SLC23A2: variants seen among roughly 807,000 people sequenced by gnomAD.
SLC23A2 encodes solute carrier family 23 member 2, also known as Na(+)/L-ascorbic acid transporter 2.
SLC23A2 carries 36 observed loss-of-function variants against 73.3 expected under a neutral mutation model. That is an observed-to-expected ratio of 0.49 (90% CI 0.38 to 0.65). The LOEUF (loss-of-function observed/expected upper bound fraction) is 0.65. Ranked by LOEUF, SLC23A2 falls within the 30% of genes least tolerant of loss-of-function variation. The pLI, the probability that SLC23A2 is intolerant of heterozygous loss-of-function variation, is 0.00. For synonymous variants in SLC23A2, 343 were observed against 327.3 expected (o/e 1.05, Z -0.52); for missense variants, 507 against 841.6 (o/e 0.60, Z 4.92).
intron 1 of SLC23A2, among the ~76,000 whole-genome samples, chr20:5,010,027 G>A (rs993453906): frequency 6.6e-6 from 1 of 151,288 alleles, no homozygotes; most frequent in Non-Finnish European, 1.5e-5. Flanking sequence ...CCCGGGAGGC[G>A]GAGCTTGCAG....
At chr20:4,922,948 C>T (rs1932545610) in intron 3 of SLC23A2, among the ~76,000 whole-genome samples, 1 of 152,034 alleles carries the variant, frequency 6.6e-6, no homozygotes, top group African/African-American at 2.4e-5. Flanking sequence ...TATTTTCATT[C>T]GTAACAAATT....
intron 4 of SLC23A2, among the ~76,000 whole-genome samples, chr20:4,908,167 GA>G (rs1186225219): frequency 3.3e-5 from 5 of 152,200 alleles, no homozygotes; most frequent in African/African-American, 1.2e-4. Context: ...AATATTTAAA[GA>G]TACAATTCCT....
At chr20:4,977,291 G>A (rs1183384277) in intron 1 of SLC23A2, among the ~76,000 whole-genome samples, 1 of 152,072 alleles carries the variant, frequency 6.6e-6, no homozygotes, top group African/African-American at 2.4e-5. Flanking sequence ...ATATTAACTG[G>A]ATCTTCCCAG....
rs1432644924 is a variant in SLC23A2, at chr20:4,983,822, G to GGC, written c.-281-12904_-281-12903insGC. Among the ~76,000 whole-genome samples the GGC allele has an allele frequency of 1.4e-4, 21 of 151,566 alleles. No homozygotes were observed. The East Asian group carries it at 3.9e-3, about 28-fold the overall frequency. On this transcript the variant is annotated intron_variant, in intron 1 of 16. Coordinates refer to ENST00000338244, the MANE Select transcript of SLC23A2 (RefSeq NM_005116.6). ...AAATACAAAATTAGCCAGGCGTGGTGGTGCATGCCTGTAATCCCTGCTATT... is the reference window on the plus strand; with the variant it reads ...AAATACAAAATTAGCCAGGCGTGGTGGCGTGCATGCCTGTAATCCCTGCTATT...
intron 4 of SLC23A2, among the ~76,000 whole-genome samples, chr20:4,905,770 T>C (rs1390335802): frequency 1.3e-5 from 2 of 152,214 alleles, no homozygotes; most frequent in Non-Finnish European, 2.9e-5. Context: ...GACCATACAG[T>C]AAATATTTCA....
intron 2 of SLC23A2, among the ~76,000 whole-genome samples, chr20:4,948,072 C>T (rs1035122621): frequency 6.6e-6 from 1 of 152,216 alleles, no homozygotes; most frequent in Non-Finnish European, 1.5e-5. Context: ...CTCAGTAGGG[C>T]ACTTGGTCAC....
chr20:4,945,195 C>T (rs1484073983), intron 2 of SLC23A2, among the ~76,000 whole-genome samples: 1 of 152,052 alleles, frequency 6.6e-6, no homozygotes, highest in African/African-American at 2.4e-5. Context: ...ATTATTTGAT[C>T]TTGTGATGAC....
intron 3 of SLC23A2, among the ~76,000 whole-genome samples, chr20:4,927,394 C>T (rs1053992842): frequency 2.0e-5 from 3 of 152,174 alleles, no homozygotes; most frequent in African/African-American, 7.2e-5. Context: ...TGGGTATACC[C>T]AACGGTGAGA....
intron 1 of SLC23A2, among the ~76,000 whole-genome samples, chr20:4,983,646 T>TAAA (rs35983102): frequency 2.3e-5 from 2 of 86,188 alleles, no homozygotes; most frequent in African/African-American, 9.3e-5. Flanking sequence ...ACTCCGTCTT[T>TAAA]AAAAAAAAAA....
chr20:4,992,298 ATTTTT>A (rs1464343528), intron 1 of SLC23A2, among the ~76,000 whole-genome samples: 1 of 152,274 alleles, frequency 6.6e-6, no homozygotes, highest in African/African-American at 2.4e-5. Context: ...TTAAGGTGTT[ATTTTT>A]TAAGTTAATA....
chr20:5,000,702 A>AG (rs1379158718), intron 1 of SLC23A2, among the ~76,000 whole-genome samples: 4 of 151,932 alleles, frequency 2.6e-5, no homozygotes, highest in Non-Finnish European at 4.4e-5. Context: ...CACCCATCCA[A>AG]GGGGGGGCAT....
At chr20:4,913,274 C>G (rs538526800) in intron 3 of SLC23A2, among the ~76,000 whole-genome samples, 1 of 152,088 alleles carries the variant, frequency 6.6e-6, no homozygotes, top group Non-Finnish European at 1.5e-5. Flanking sequence ...GTGAGAGTAC[C>G]CTGAGCTGCC....
chr20:4,878,665 T>G (rs535953012), intron 9 of SLC23A2, among the ~76,000 whole-genome samples: 75 of 152,362 alleles, frequency 4.9e-4, no homozygotes, highest in Admixed American at 3.1e-3. Flanking sequence ...TTAATTCAAC[T>G]GAAATACAAT....
intron 2 of SLC23A2, among the ~76,000 whole-genome samples, chr20:4,967,814 A>G (rs149570695): frequency 4.6e-4 from 70 of 152,284 alleles, no homozygotes; most frequent in African/African-American, 1.6e-3. Flanking sequence ...ATACCCTTCA[A>G]CCAGAACCAT....
intron 6 of SLC23A2, among the ~76,000 whole-genome samples, chr20:4,890,451 G>A (rs1354506089): frequency 5.9e-5 from 9 of 152,120 alleles, no homozygotes; most frequent in South Asian, 2.1e-4. Context: ...TCATGAGTTC[G>A]AGACCAGCCT....
In SLC23A2 at chr20:4,957,900, C is replaced by T. The variant is rs1325909866; in HGVS notation, c.-155+12893G>A. 2.3e-4 allele frequency among the ~76,000 whole-genome samples: 18 copies of T among 77,382 alleles called. No individual in the cohort carries two copies. The South Asian group carries it at 8.2e-3, about 35-fold the overall frequency. The allele number at this position is 77,382 out of a possible 152,430, so 50.8% of individuals were successfully genotyped here. On this transcript the variant is annotated intron_variant, in intron 2 of 16. Transcript: ENST00000338244. ...TGGGCAACAGAGTGAGACTCCATCT[C>T]AAAAAAAAAAAAAAAAAACTTATTA...
At chr20:5,003,340 C>T (rs1159735514), upstream of SLC23A2, among the ~76,000 whole-genome samples, 1 of 151,996 alleles carries the variant, frequency 6.6e-6, no homozygotes, top group Non-Finnish European at 1.5e-5. Context: ...GCCGAGATCG[C>T]GCCACCGCAC....
intron 4 of SLC23A2, among the ~76,000 whole-genome samples, chr20:4,911,633 T>C (rs1460237295): frequency 6.6e-6 from 1 of 152,162 alleles, no homozygotes; most frequent in Non-Finnish European, 1.5e-5. Context: ...TCTTATTATG[T>C]CAGCTGAAAA....
intron 1 of SLC23A2, among the ~76,000 whole-genome samples, chr20:4,984,539 C>T (rs1047634812): frequency 8.1e-6 from 1 of 122,734 alleles, no homozygotes; most frequent in Admixed American, 9.1e-5. Context: ...GGCAACAGAG[C>T]AAGACTCTGT....
Sources: gnomAD v4.1 joint callset for allele counts (sites outside exome capture counted in the v4.1 genomes callset) on GRCh38, gnomAD v4.1.1 for gene constraint, MANE v1.5 for transcripts, NCBI Gene and HGNC (gene_info 2026-07-23, HGNC 2026-07-21) for gene names.